The following CEP112 variants were observed in gnomAD, a reference collection of about 807,000 sequenced individuals.
CEP112 encodes centrosomal protein of 112 kDa.
Under a neutral mutation model 153.0 loss-of-function variants are expected in CEP112, and 127 were observed. The observed-to-expected ratio is 0.83, with a 90% CI of 0.72 to 0.96. The LOEUF (loss-of-function observed/expected upper bound fraction) is 0.96. CEP112 is among the 40% of genes least tolerant of loss of function. The pLI is 0.00. For synonymous variants in CEP112, 358 were observed against 374.4 expected (o/e 0.96, Z 0.51); for missense variants, 1,089 against 1,101.2 (o/e 0.99, Z 0.16).
chr17:65,940,920 A>T (rs1182919791), intron 18 of CEP112, among the ~76,000 whole-genome samples: 1 of 152,212 alleles, frequency 6.6e-6, no homozygotes, highest in Non-Finnish European at 1.5e-5. Flanking sequence ...GGTTATGGCT[A>T]TGTTAATTAG....
intron 6 of CEP112, among the ~76,000 whole-genome samples, chr17:66,112,454 T>A (rs946559433): frequency 9.2e-5 from 14 of 152,028 alleles, no homozygotes; most frequent in African/African-American, 3.4e-4. Context: ...AAATATAAAG[T>A]AATATCACAA....
At chr17:65,862,769 C>T (rs1483755615) in intron 20 of CEP112, among the ~76,000 whole-genome samples, 1 of 151,994 alleles carries the variant, frequency 6.6e-6, no homozygotes, top group Admixed American at 6.6e-5. Flanking sequence ...AAGAAGAATG[C>T]TTCTAAAAGA....
chr17:65,714,389 T>A (rs2049376222), intron 23 of CEP112, among the ~76,000 whole-genome samples: 3 of 151,906 alleles, frequency 2.0e-5, no homozygotes, highest in Admixed American at 1.3e-4. Context: ...ATTTTATGGA[T>A]CTTATTAGTT....
intron 18 of CEP112, among the ~76,000 whole-genome samples, chr17:65,948,374 T>C (rs988721436): frequency 6.6e-6 from 1 of 151,252 alleles, no homozygotes; most frequent in African/African-American, 2.4e-5. Flanking sequence ...GAAAAATAAA[T>C]TAGGAAAGTC....
intron 4 of CEP112, among the ~76,000 whole-genome samples, chr17:66,149,936 G>C (rs1456555815): frequency 9.3e-6 from 1 of 108,084 alleles, no homozygotes; most frequent in African/African-American, 3.6e-5. Context: ...CTGTCTCCTA[G>C]GCTGGAGTAC....
chr17:66,083,836 T>C (rs1355727701), intron 8 of CEP112, among the ~76,000 whole-genome samples: 1 of 152,092 alleles, frequency 6.6e-6, no homozygotes, highest in African/African-American at 2.4e-5. Flanking sequence ...CCAGCCTGGG[T>C]GACTGAGCGA....
At chr17:65,826,563 G>T in intron 21 of CEP112, 3 of 1,297,154 alleles carry the variant, frequency 2.3e-6, no homozygotes, top group Non-Finnish European at 2.9e-6. Context: ...GGGCTAAAGG[G>T]CCAGCACACC....
intron 23 of CEP112, among the ~76,000 whole-genome samples, chr17:65,740,628 A>T (rs1390168713): frequency 6.6e-6 from 1 of 152,188 alleles, no homozygotes; most frequent in Non-Finnish European, 1.5e-5. Flanking sequence ...TCCATTCTTG[A>T]TCACCAGCTT....
intron 6 of CEP112, among the ~76,000 whole-genome samples, chr17:66,102,721 C>T (rs1675160024): frequency 6.7e-6 from 1 of 148,988 alleles, no homozygotes; most frequent in Admixed American, 6.7e-5. Context: ...TGGCATGAAC[C>T]TGGGAGGCAG....
chr17:66,161,610 C>A (rs567267598), intron 4 of CEP112, among the ~76,000 whole-genome samples: 1 of 152,198 alleles, frequency 6.6e-6, no homozygotes, highest in African/African-American at 2.4e-5. Context: ...CGCATGTTCT[C>A]ACTCATAAGT....
At chr17:66,018,467 A>G (rs893567870) in intron 16 of CEP112, among the ~76,000 whole-genome samples, 4 of 152,182 alleles carry the variant, frequency 2.6e-5, no homozygotes, top group African/African-American at 9.6e-5. Context: ...AACACTGACT[A>G]GCTGAATAAC....
intron 16 of CEP112, among the ~76,000 whole-genome samples, chr17:66,022,665 TG>T (rs2065044669): frequency 1.5e-5 from 2 of 133,950 alleles, no homozygotes; most frequent in Admixed American, 1.8e-4. Context: ...GCCGAGATCG[TG>T]CCACTGCACT....
intron 19 of CEP112, among the ~76,000 whole-genome samples, chr17:65,904,729 A>G (rs563354573): frequency 2.1e-4 from 32 of 152,222 alleles, no homozygotes; most frequent in Non-Finnish European, 2.8e-4. Flanking sequence ...TAACCAGAAC[A>G]GCAAGGAACT....
chr17:66,132,403 G>A (rs563508234), intron 5 of CEP112, among the ~76,000 whole-genome samples: 2 of 152,030 alleles, frequency 1.3e-5, no homozygotes, highest in South Asian at 4.2e-4. Context: ...CATAAATTCT[G>A]AACAAAGGGA....
At chr17:65,749,196 G>C (rs576327419) in intron 22 of CEP112, among the ~76,000 whole-genome samples, 74 of 152,122 alleles carry the variant, frequency 4.9e-4, no homozygotes, top group Middle Eastern at 6.8e-3. Flanking sequence ...TTTTCTAATG[G>C]GATGTGAATT....
At chr17:66,150,199 CTT>C (rs369271405) in intron 4 of CEP112, among the ~76,000 whole-genome samples, 25 of 129,608 alleles carry the variant, frequency 1.9e-4, no homozygotes, top group South Asian at 2.5e-4. Context: ...CGCGCCCGGC[CTT>C]TTTTTTTTTT....
At chr17:65,853,775 T>C (rs1165107634) in intron 20 of CEP112, among the ~76,000 whole-genome samples, 2 of 152,140 alleles carry the variant, frequency 1.3e-5, no homozygotes, top group Admixed American at 1.3e-4. Flanking sequence ...ACAGGAAATT[T>C]TGAGAGGGAC....
At chr17:65,890,582 G>A (rs989768082) in intron 20 of CEP112, among the ~76,000 whole-genome samples, 4 of 152,060 alleles carry the variant, frequency 2.6e-5, no homozygotes, top group South Asian at 4.2e-4. Flanking sequence ...GGGTAAGTAC[G>A]CTAGAGTAGG....
rs192809535 is a variant in CEP112 at position 65,675,656 on chromosome 17, C to T, written c.2697+13473G>A. On this transcript the variant is annotated intron_variant, in intron 24 of 26. Transcript: ENST00000535342. Reference sequence around the variant, plus strand: ...ATAAAAGAAAACTATAGGCCAATATCCCTGAGAAACATAGATGCAAAAATC... The same window carrying T: ...ATAAAAGAAAACTATAGGCCAATATTCCTGAGAAACATAGATGCAAAAATC... 1.7e-3 allele frequency among the ~76,000 whole-genome samples: 259 copies of T among 152,008 alleles called. 1 individual carries two copies. The highest frequency in any genetic ancestry group is 3.1e-3 in the African/African-American group (127 of 41,472).
Sources: gnomAD v4.1 joint callset for allele counts (sites outside exome capture counted in the v4.1 genomes callset) on GRCh38, gnomAD v4.1.1 for gene constraint, MANE v1.5 for transcripts, NCBI Gene and HGNC (gene_info 2026-07-23, HGNC 2026-07-21) for gene names.